The following RBFOX1 variants were observed in gnomAD, a reference collection of about 807,000 sequenced individuals.
The protein encoded by RBFOX1 is RNA binding protein fox-1 homolog 1.
RBFOX1 carries 8 observed loss-of-function variants against 57.7 expected under a neutral mutation model. The ratio of observed to expected loss-of-function variants is 0.14; its 90% CI spans 0.08 to 0.25. The LOEUF is 0.25. RBFOX1 is among the 10% of genes least tolerant of loss of function. The pLI is 1.00. For missense variants in RBFOX1, 611 were observed against 548.5 expected (o/e 1.11, Z -1.14); for synonymous variants, 326 against 222.4 (o/e 1.47, Z -4.15).
At chr16:5,426,955 G>C (rs1224297504) in intron 1 of RBFOX1, among the ~76,000 whole-genome samples, 8 of 152,210 alleles carry the variant, frequency 5.3e-5, no homozygotes, top group Admixed American at 4.6e-4. Flanking sequence ...CTTGTAAGTG[G>C]TAAAGGCAGG....
intron 4 of RBFOX1, among the ~76,000 whole-genome samples, chr16:7,209,326 A>G (rs751671049): frequency 6.6e-6 from 1 of 152,082 alleles, no homozygotes; most frequent in Non-Finnish European, 1.5e-5. Context: ...CAAGAGCGAA[A>G]CTCTGTTTCA....
At chr16:6,447,798 A>G (rs1650147434) in intron 2 of RBFOX1, among the ~76,000 whole-genome samples, 1 of 152,174 alleles carries the variant, frequency 6.6e-6, no homozygotes, top group African/African-American at 2.4e-5. Context: ...CCTTTTATTC[A>G]TCATTCCCAA....
chr16:5,484,287 C>A (rs1471798924), intron 2 of RBFOX1, among the ~76,000 whole-genome samples: 1 of 152,246 alleles, frequency 6.6e-6, no homozygotes, highest in African/African-American at 2.4e-5. Flanking sequence ...CCCTTCAGTT[C>A]TTTCTGGCTG....
At chr16:7,218,931 C>T (rs2092495171) in intron 4 of RBFOX1, among the ~76,000 whole-genome samples, 1 of 152,038 alleles carries the variant, frequency 6.6e-6, no homozygotes, top group Non-Finnish European at 1.5e-5. Flanking sequence ...TGGGTTTGGG[C>T]AGGCATATGG....
chr16:7,019,172 T>C (rs1362549212), intron 3 of RBFOX1, among the ~76,000 whole-genome samples: 1 of 151,800 alleles, frequency 6.6e-6, no homozygotes, highest in Non-Finnish European at 1.5e-5. Flanking sequence ...TTTCTAAAAT[T>C]TTTTAGGACA....
chr16:7,048,202 A>G (rs569280467), intron 3 of RBFOX1, among the ~76,000 whole-genome samples: 1 of 149,600 alleles, frequency 6.7e-6, no homozygotes, highest in Admixed American at 6.7e-5. Flanking sequence ...TTATTTTTTT[A>G]AAAAAATTTA....
At chr16:6,037,198 T>C (rs1404312681) in intron 1 of RBFOX1, 3 of 152,242 alleles carry the variant, frequency 2.0e-5, no homozygotes, top group Non-Finnish European at 4.4e-5. Flanking sequence ...TGCTAAAGTG[T>C]TAGCATTAAC....
intron 4 of RBFOX1, among the ~76,000 whole-genome samples, chr16:5,983,591 C>G (rs558653911): frequency 6.6e-6 from 1 of 152,290 alleles, no homozygotes; most frequent in Admixed American, 6.5e-5. Flanking sequence ...GAGGATGGCT[C>G]AGGTGCTCAG....
intron 3 of RBFOX1, among the ~76,000 whole-genome samples, chr16:6,791,178 G>C (rs996712513): frequency 6.6e-6 from 1 of 151,966 alleles, no homozygotes; most frequent in African/African-American, 2.4e-5. Context: ...AAGTGCTGGG[G>C]TTACTGGTGT....
chr16:6,137,567 A>C (rs1218545313), intron 1 of RBFOX1, among the ~76,000 whole-genome samples: 1 of 150,408 alleles, frequency 6.6e-6, no homozygotes, highest in Non-Finnish European at 1.5e-5. Flanking sequence ...CGGCCTCCCA[A>C]AGTGCTGGGA....
At chr16:5,408,524 T>G (rs750346264) in intron 1 of RBFOX1, among the ~76,000 whole-genome samples, 40 of 152,190 alleles carry the variant, frequency 2.6e-4, no homozygotes, top group Non-Finnish European at 4.9e-4. Context: ...CTGAGGGATC[T>G]CTCTTTCTCC....
At chr16:5,550,655 T>G (rs1273848970) in intron 2 of RBFOX1, among the ~76,000 whole-genome samples, 1 of 152,220 alleles carries the variant, frequency 6.6e-6, no homozygotes, top group Non-Finnish European at 1.5e-5. Context: ...AGGTCCCATT[T>G]ATGGTACGTT....
chr16:5,282,873 G>C (rs2151152299), intron 1 of RBFOX1, among the ~76,000 whole-genome samples: 1 of 152,320 alleles, frequency 6.6e-6, no homozygotes, highest in East Asian at 1.9e-4. Flanking sequence ...TAAGTAATGA[G>C]GAGCCAAGTG....
intron 2 of RBFOX1, among the ~76,000 whole-genome samples, chr16:6,444,790 A>G (rs2153033622): frequency 6.6e-6 from 1 of 152,244 alleles, no homozygotes; most frequent in East Asian, 1.9e-4. Flanking sequence ...AGGAACCAAA[A>G]CTGCTTTTGT....
intron 3 of RBFOX1, among the ~76,000 whole-genome samples, chr16:5,768,655 C>T (rs1032484240): frequency 6.6e-6 from 1 of 152,190 alleles, no homozygotes; most frequent in African/African-American, 2.4e-5. Context: ...ATTCCTCTTG[C>T]ATCTATTCCA....
chr16:5,693,643 G>A (rs191507178), intron 3 of RBFOX1, among the ~76,000 whole-genome samples: 166 of 152,208 alleles, frequency 1.1e-3, no homozygotes, highest in Non-Finnish European at 1.6e-3. Flanking sequence ...TGTGAAAGAC[G>A]CAGCGAGAAT....
At chr16:6,005,209 G>T (rs9928467) in intron 4 of RBFOX1, among the ~76,000 whole-genome samples, 4 of 152,288 alleles carry the variant, frequency 2.6e-5, no homozygotes, top group Admixed American at 2.0e-4. Context: ...AAATGTATTC[G>T]TGGAAAGAGG....
At chr16:7,225,415 C>T (rs1209249441) in intron 4 of RBFOX1, among the ~76,000 whole-genome samples, 1 of 152,042 alleles carries the variant, frequency 6.6e-6, no homozygotes, top group African/African-American at 2.4e-5. Context: ...GGTTCTCATT[C>T]TCTCTTGTCT....
At chr16:5,716,938 C>G (rs925844214) in intron 3 of RBFOX1, among the ~76,000 whole-genome samples, 6 of 152,202 alleles carry the variant, frequency 3.9e-5, no homozygotes, top group African/African-American at 1.4e-4. Context: ...GATTTGCTGA[C>G]TTCTGATACA....
Sources: allele counts gnomAD v4.1 joint callset (sites outside exome capture counted in the v4.1 genomes callset), GRCh38; gene constraint gnomAD v4.1.1; transcripts MANE v1.5; gene names NCBI Gene and HGNC (gene_info 2026-07-23, HGNC 2026-07-21).